Variants in VPS41 observed in about 807,000 individuals in gnomAD.
The protein encoded by VPS41 is vacuolar protein sorting-associated protein 41 homolog.
Under a neutral mutation model 130.9 loss-of-function variants are expected in VPS41, and 85 were observed. The ratio of observed to expected loss-of-function variants is 0.65; its 90% CI spans 0.55 to 0.78. The LOEUF (loss-of-function observed/expected upper bound fraction) is 0.78. Ranked by LOEUF, VPS41 falls within the 30% of genes least tolerant of loss-of-function variation. VPS41 has a pLI of 0.00. For missense variants in VPS41, 874 were observed against 1,018.7 expected, an observed-to-expected ratio of 0.86 and a Z score of 1.93; for synonymous variants, 335 against 332.9, an observed-to-expected ratio of 1.01 and a Z score of -0.07.
rs185935305 is a variant in VPS41 at position 38,789,918 on chromosome 7, A to G, written c.718-51T>C. 933 of 1,584,320 alleles carry G rather than the reference A, an allele frequency of 5.9e-4. 7 individuals are homozygous for G. The African/African-American group carries it at 0.011, about 18-fold the overall frequency. On this transcript the variant is annotated intron_variant, in intron 9 of 28. Coordinates refer to ENST00000310301, the MANE Select transcript of VPS41 (RefSeq NM_014396.4). ...TTATTCATTTGATGGAAAATTCTTCATAACATTTTATTCAGTATATGGTAT... is the reference window on the plus strand; with the variant it reads ...TTATTCATTTGATGGAAAATTCTTCGTAACATTTTATTCAGTATATGGTAT...
intron 7 of VPS41, among the ~76,000 whole-genome samples, chr7:38,799,983 T>C (rs1275658971): frequency 6.6e-6 from 1 of 152,076 alleles, no homozygotes; most frequent in Non-Finnish European, 1.5e-5. Context: ...ACTGCGGTCT[T>C]GGACACCGTC....
rs1435765789 is a variant in VPS41, at chr7:38,898,228, C to T, written c.22-99G>A. 5 of 993,174 alleles carry T rather than the reference C, an allele frequency of 5.0e-6. No individual in the cohort carries two copies. The Admixed American group carries it at 7.7e-5, about 15-fold the overall frequency. The allele number at this position is 993,174 out of a possible 1,614,324, so 61.5% of individuals were successfully genotyped here. On this transcript the variant is annotated intron_variant, in intron 1 of 28. Transcript: ENST00000310301. Reference sequence around the variant, plus strand: ...TCATGTTCCTACTACCACGCATCTGCCCTTTTTGGAAGAGAATCTACAACT... The same window carrying T: ...TCATGTTCCTACTACCACGCATCTGTCCTTTTTGGAAGAGAATCTACAACT...
At chr7:38,902,098 C>T (rs897666539) in intron 1 of VPS41, among the ~76,000 whole-genome samples, 2 of 152,182 alleles carry the variant, frequency 1.3e-5, no homozygotes, top group Admixed American at 6.5e-5. Flanking sequence ...CAACCACCTA[C>T]CCAAACAGCT....
At chr7:38,781,578 T>C (rs1784355266) in intron 10 of VPS41, among the ~76,000 whole-genome samples, 1 of 152,240 alleles carries the variant, frequency 6.6e-6, no homozygotes, top group Non-Finnish European at 1.5e-5. Context: ...TCAGGGACTC[T>C]TTATTGGTAG....
chr7:38,726,242 T>G lies in VPS41; in HGVS notation c.*4A>C, dbSNP rs565784707. The G allele has an allele frequency of 6.2e-7, 1 of 1,607,798 alleles. No homozygotes were observed. The highest frequency in any genetic ancestry group is 1.1e-5 in the South Asian group (1 of 90,932). On this transcript the variant is annotated 3_prime_UTR_variant, in exon 29 of 29. Coordinates refer to ENST00000310301, the MANE Select transcript of VPS41 (RefSeq NM_014396.4). ...TGACAAGGAGACTGACAAGGAGAAA[T>G]GAGCTATTTTTTCATCTCCAAAATT...
chr7:38,853,122 T>C (rs906215565), intron 4 of VPS41, among the ~76,000 whole-genome samples: 1 of 152,080 alleles, frequency 6.6e-6, no homozygotes, highest in African/African-American at 2.4e-5. Flanking sequence ...GATTCCCTGT[T>C]TCATAAGAAG....
intron 7 of VPS41, among the ~76,000 whole-genome samples, chr7:38,812,000 G>T (rs1784951664): frequency 6.6e-6 from 1 of 152,048 alleles, no homozygotes; most frequent in South Asian, 2.1e-4. Context: ...CTACAATTAA[G>T]GTAGGCTAGG....
At chr7:38,908,654 C>T (rs1787320928) in intron 1 of VPS41, among the ~76,000 whole-genome samples, 1 of 152,218 alleles carries the variant, frequency 6.6e-6, no homozygotes, top group East Asian at 1.9e-4. Context: ...GGACCCCAGG[C>T]ATTTTTGCTC....
At chr7:38,870,562 G>T (rs530664808) in intron 2 of VPS41, among the ~76,000 whole-genome samples, 92 of 151,968 alleles carry the variant, frequency 6.1e-4, no homozygotes, top group South Asian at 8.3e-4. Context: ...GAAAACTACT[G>T]GGGCCTCTAC....
In VPS41 at chr7:38,821,195, A is replaced by G. The variant is rs1785163867; in HGVS notation, c.384+8T>C. Reference sequence around the variant, plus strand: ...CCTTAGAAAAAGTAAAACTTGCTGAATACTTACTTTAATGGGACAGTCAAA... The same window carrying G: ...CCTTAGAAAAAGTAAAACTTGCTGAGTACTTACTTTAATGGGACAGTCAAA... On this transcript the variant is annotated splice_region_variant and intron_variant, in intron 6 of 28. Coordinates refer to ENST00000310301, the MANE Select transcript of VPS41 (RefSeq NM_014396.4). 21 of 1,612,010 alleles carry G rather than the reference A, an allele frequency of 1.3e-5. No homozygotes were observed. Among genetic ancestry groups the G allele is most frequent in the Non-Finnish European group, 1.7e-5 (20 of 1,178,324 alleles).
chr7:38,728,555 A>G lies in VPS41; in HGVS notation c.2391T>C (p.Pro797=), dbSNP rs767708115. Residue 797 remains proline, a synonymous_variant, in exon 27 of 29, where the codon CCT becomes CCC. Transcript: ENST00000310301. ...EENICESCLS[P]ILPSDAAKPF... Reference sequence around the variant, plus strand: ...AAACCTTCTTACCTGATGGAAGAATAGGGGAAAGGCACGACTCACAGATGT... The same window carrying G: ...AAACCTTCTTACCTGATGGAAGAATGGGGGAAAGGCACGACTCACAGATGT... 6.2e-7 allele frequency: 1 copy of G among 1,614,170 alleles called. No individual in the cohort carries two copies. The highest frequency in any genetic ancestry group is 8.5e-7 in the Non-Finnish European group (1 of 1,180,020).
At chr7:38,730,817 G>A (rs943665829) in intron 25 of VPS41, among the ~76,000 whole-genome samples, 38 of 152,260 alleles carry the variant, frequency 2.5e-4, no homozygotes, top group African/African-American at 8.9e-4. Flanking sequence ...TCTGACTCTC[G>A]TGGGTGCTCC....
intron 22 of VPS41, among the ~76,000 whole-genome samples, chr7:38,749,811 T>C (rs1288927225): frequency 1.3e-5 from 2 of 152,220 alleles, no homozygotes; most frequent in African/African-American, 2.4e-5. Flanking sequence ...CATGTAAACA[T>C]AAAAGGGATT....
intron 4 of VPS41, among the ~76,000 whole-genome samples, chr7:38,850,408 G>A (rs949894670): frequency 1.3e-5 from 2 of 152,150 alleles, no homozygotes; most frequent in Non-Finnish European, 2.9e-5. Flanking sequence ...GGATCTGTAA[G>A]AGTTCCTTAT....
intron 2 of VPS41, among the ~76,000 whole-genome samples, chr7:38,891,687 A>G (rs1158297453): frequency 6.6e-6 from 1 of 152,234 alleles, no homozygotes; most frequent in Non-Finnish European, 1.5e-5. Flanking sequence ...TTTAAATTAT[A>G]AAGATAACAT....
chr7:38,871,907 C>T (rs1273538433), intron 2 of VPS41, among the ~76,000 whole-genome samples: 3 of 152,152 alleles, frequency 2.0e-5, no homozygotes, highest in African/African-American at 7.2e-5. Context: ...GAAATCTTCT[C>T]GCCTCAGCCT....
chr7:38,726,848 G>T, intron 28 of VPS41, 61 bp downstream of exon 28: 1 of 1,401,150 alleles, frequency 7.1e-7, no homozygotes, highest in Non-Finnish European at 9.5e-7. Flanking sequence ...ACAGTTTAAA[G>T]CACATTCCTC....
At chr7:38,832,728 TTGGAGC>T (rs1430497039) in intron 4 of VPS41, among the ~76,000 whole-genome samples, 42 of 152,304 alleles carry the variant, frequency 2.8e-4, no homozygotes, top group African/African-American at 9.4e-4. Context: ...CTTCACCTAA[TTGGAGC>T]ACGTAGCACC....
chr7:38,823,433 C>A (rs372503896), intron 5 of VPS41, among the ~76,000 whole-genome samples: 1 of 152,090 alleles, frequency 6.6e-6, no homozygotes, highest in Non-Finnish European at 1.5e-5. Context: ...TATAAACTAC[C>A]CAGTCTAAGG....
Sources: allele counts gnomAD v4.1 joint callset (sites outside exome capture counted in the v4.1 genomes callset), GRCh38; gene constraint gnomAD v4.1.1; transcripts MANE v1.5; gene names NCBI Gene and HGNC (gene_info 2026-07-23, HGNC 2026-07-21).